The following CCNT2 variants were observed in gnomAD, a reference collection of about 807,000 sequenced individuals.
CCNT2 encodes the protein cyclin T2, also known as cyclin-T2.
A neutral mutation model predicts 70.0 loss-of-function variants in CCNT2; 18 were observed. The observed-to-expected ratio is 0.26, with a 90% confidence interval of 0.18 to 0.38. The LOEUF (loss-of-function observed/expected upper bound fraction) is 0.38. Among genes scored for constraint, CCNT2 ranks in the 10% least tolerant of loss-of-function variants. The probability of loss-of-function intolerance (pLI) is 1.00; values close to 1 mark genes in which losing one functional copy is unlikely to be tolerated. For missense variants in CCNT2, 734 were observed against 890.2 expected (o/e 0.82, Z 2.23); for synonymous variants, 334 against 313.3 (o/e 1.07, Z -0.70).
In CCNT2 at chr2:134,953,519, A is replaced by G; in HGVS notation, c.1064A>G (p.Gln355Arg). The stretch of plus-strand genomic sequence containing the variant: ...TCACACCAGGAATGGCCTCAACATC[A>G]AGACTCAGCAAGGACAGAACAGCTA... ...LSSHQEWPQH[Q>R]DSARTEQLYS... Residue 355 changes from glutamine to arginine, a missense_variant, in exon 9 of 9, where the codon CAA becomes CGA. Gln to Arg is a conservative substitution (Grantham distance 43). Transcript: ENST00000264157. The G allele has an allele frequency of 6.2e-7, 1 of 1,614,188 alleles. No individual in the cohort carries two copies. The highest frequency in any genetic ancestry group is 8.5e-7 in the Non-Finnish European group (1 of 1,180,032).
rs1682834695 is a variant in CCNT2 at position 134,954,867 on chromosome 2, A to C, written c.*219A>C. On this transcript the variant is annotated 3_prime_UTR_variant, in exon 9 of 9. Transcript: ENST00000264157. ...GTTATAAATACTGTAAAAGCATGGAAGGTGCAAAACTCAGTATTTCTACAA... is the reference window on the plus strand; with the variant it reads ...GTTATAAATACTGTAAAAGCATGGACGGTGCAAAACTCAGTATTTCTACAA... The C allele has an allele frequency of 1.0e-5, 5 of 479,924 alleles. No homozygotes were observed. The South Asian group carries it at 1.9e-4, about 18-fold the overall frequency. 29.7% of individuals were successfully genotyped at this position (479,924 alleles called of 1,614,324 possible).
intron 2 of CCNT2, among the ~76,000 whole-genome samples, chr2:134,920,840 A>G (rs931365718): frequency 3.0e-4 from 46 of 152,300 alleles, no homozygotes; most frequent in Admixed American, 1.2e-3. Context: ...GATCCTCAGA[A>G]TATTATTTTT....
intron 4 of CCNT2, 92 bp downstream of exon 4, chr2:134,939,154 G>T: frequency 1.1e-6 from 1 of 917,210 alleles, no homozygotes; most frequent in Non-Finnish European, 1.7e-6. Flanking sequence ...TTGTATTATT[G>T]AAGAAAGTTA....
intron 2 of CCNT2, among the ~76,000 whole-genome samples, chr2:134,933,394 C>G (rs897224628): frequency 6.6e-6 from 1 of 152,114 alleles, no homozygotes; most frequent in Non-Finnish European, 1.5e-5. Context: ...ACCTTGCCTC[C>G]GCTATCAAGG....
At position 134,919,714 on chromosome 2, in the gene CCNT2, G is replaced by A. The variant is rs1679729734; in HGVS notation, c.159-96G>A. ...CCAGTTTGGGGTTTGGATTTGAATG[G>A]GAGGTATTGGAAAAGAACCTGGGAA... On this transcript the variant is annotated intron_variant, in intron 1 of 8. Coordinates refer to ENST00000264157, the MANE Select transcript of CCNT2 (RefSeq NM_058241.3). 11 of 884,178 alleles carry A rather than the reference G, an allele frequency of 1.2e-5. No individual in the cohort carries two copies. The South Asian group carries it at 1.4e-4, about 11-fold the overall frequency. The allele number at this position is 884,178 out of a possible 1,614,324, so 54.8% of individuals were successfully genotyped here. A position where few individuals can be genotyped will look rare whatever the true frequency, so the allele number is the denominator to read the frequency against.
chr2:134,951,964 A>C (rs181566148), intron 7 of CCNT2, among the ~76,000 whole-genome samples: 1 of 152,306 alleles, frequency 6.6e-6, no homozygotes, highest in Non-Finnish European at 1.5e-5. Context: ...ACTGACACTT[A>C]GGAGAATAAT....
intron 2 of CCNT2, among the ~76,000 whole-genome samples, chr2:134,936,198 T>G (rs548192103): frequency 6.6e-6 from 1 of 152,164 alleles, no homozygotes; most frequent in African/African-American, 2.4e-5. Context: ...GCTTATTTTC[T>G]TCTTTGCCTC....
chr2:134,923,611 T>C (rs762397610), intron 2 of CCNT2, among the ~76,000 whole-genome samples: 1 of 152,252 alleles, frequency 6.6e-6, no homozygotes, highest in Non-Finnish European at 1.5e-5. Flanking sequence ...TTTGAGACGA[T>C]TAGCCTAGAT....
intron 2 of CCNT2, among the ~76,000 whole-genome samples, chr2:134,935,879 C>T (rs1681109508): frequency 6.6e-6 from 1 of 151,848 alleles, no homozygotes; most frequent in Admixed American, 6.6e-5. Flanking sequence ...ATATTACATG[C>T]TTATACCCTG....
intron 2 of CCNT2, 58 bp from the exon 3 acceptor site, chr2:134,936,783 A>T: frequency 6.8e-7 from 1 of 1,476,452 alleles, no homozygotes; most frequent in Non-Finnish European, 9.2e-7. Flanking sequence ...AAAAGAAAAT[A>T]GAGGGTTTTT....
rs931653455 is a variant in CCNT2, at chr2:134,925,182, C to T, written c.240+5291C>T. On this transcript the variant is annotated intron_variant, in intron 2 of 8. Coordinates refer to ENST00000264157, the MANE Select transcript of CCNT2 (RefSeq NM_058241.3). ...TATTCAATGCCTGGGTCCTTTCATTCATTGGTGATACTCTAATTCTGTCAT... is the reference window on the plus strand; with the variant it reads ...TATTCAATGCCTGGGTCCTTTCATTTATTGGTGATACTCTAATTCTGTCAT... Among the ~76,000 whole-genome samples, 3 of 152,128 alleles carry T rather than the reference C, an allele frequency of 2.0e-5. No individual in the cohort carries two copies. The South Asian group carries it at 6.2e-4, about 32-fold the overall frequency.
rs766293852 is a variant in CCNT2 at position 134,954,331 on chromosome 2, G to A, written c.1876G>A (p.Ala626Thr). The change falls in exon 9 of 9, where the codon GCA becomes ACA. Residue 626 changes from alanine to threonine, a missense_variant. Physicochemically the swap from Ala to Thr is moderately conservative, Grantham distance 58. This residue lies in a region of CCNT2 where 532 missense variants were observed against 556.9 expected (regional missense o/e 0.96). Coordinates refer to ENST00000264157, the MANE Select transcript of CCNT2 (RefSeq NM_058241.3). The part of the protein sequence containing the change: ...SSRKRLHVND[A>T]SHNHHSKMSK... ...AAGGAAGAGGCTGCATGTCAATGAT[G>A]CATCTCACAACCACCACTCCAAAAT... is the stretch of plus-strand genomic sequence containing the variant. 6.2e-7 allele frequency: 1 copy of A among 1,614,156 alleles called. No homozygotes were observed. The highest frequency in any genetic ancestry group is 1.1e-5 in the South Asian group (1 of 91,080).
At chr2:134,919,675 T>G in intron 1 of CCNT2, 135 bp from the exon 2 acceptor site, 1 of 634,280 alleles carries the variant, frequency 1.6e-6, no homozygotes, top group Non-Finnish European at 2.7e-6. Context: ...CCGCGGGCAT[T>G]TATTTCTTTA....
chr2:134,920,527 C>T (rs1679820651), intron 2 of CCNT2, among the ~76,000 whole-genome samples: 1 of 152,158 alleles, frequency 6.6e-6, no homozygotes, highest in Non-Finnish European at 1.5e-5. Context: ...AGGTATATAA[C>T]CTGTAAACCT....
chr2:134,953,194 C>T (rs751362401), intron 8 of CCNT2, 36 bp from the exon 9 acceptor site: 2 of 1,426,784 alleles, frequency 1.4e-6, no homozygotes, highest in South Asian at 2.5e-5. Flanking sequence ...AATTATTTTG[C>T]TATATCACTG....
intron 2 of CCNT2, among the ~76,000 whole-genome samples, chr2:134,928,737 A>C (rs1482926168): frequency 6.6e-6 from 1 of 152,230 alleles, no homozygotes; most frequent in East Asian, 1.9e-4. Context: ...AGTTGAAAAA[A>C]AAAAATGGGA....
At position 134,953,435 on chromosome 2, in the gene CCNT2, C is replaced by T. The variant is rs1682681357; in HGVS notation, c.980C>T (p.Thr327Ile). The T allele has an allele frequency of 6.2e-6, 10 of 1,612,388 alleles. No homozygotes were observed. The highest frequency in any genetic ancestry group is 8.5e-6 in the Non-Finnish European group (10 of 1,179,022). Residue 327 changes from threonine to isoleucine, a missense_variant, in exon 9 of 9, where the codon ACA (threonine) becomes ATA (isoleucine). By Grantham distance (89) the Thr-to-Ile change is moderately conservative (BLOSUM62 -1). Around this residue, in one of 3 missense-constraint regions of CCNT2, gnomAD observed 532 missense variants for 556.9 expected, o/e 0.96. Coordinates refer to ENST00000264157, the MANE Select transcript of CCNT2 (RefSeq NM_058241.3). The stretch of plus-strand genomic sequence containing the variant: ...AATATTTCTGTTCAAGACAGCCATA[C>T]ATCTGATAATTTGTCAATGCTAGCA... Reference protein sequence around the residue: ...SGNISVQDSHTSDNLSMLATG... With the variant: ...SGNISVQDSHISDNLSMLATG...
chr2:134,943,001 A>C, intron 5 of CCNT2: 1 of 985,376 alleles, frequency 1.0e-6, no homozygotes, highest in African/African-American at 1.7e-5. Context: ...ATAGGTTCAG[A>C]AAATAATATT....
chr2:134,932,058 C>T (rs1218156176), intron 2 of CCNT2, among the ~76,000 whole-genome samples: 1 of 151,716 alleles, frequency 6.6e-6, no homozygotes, highest in Non-Finnish European at 1.5e-5. Flanking sequence ...CAGTGGTGCT[C>T]GCTGCAACCT....
Sources: gnomAD v4.1 joint callset for allele counts (sites outside exome capture counted in the v4.1 genomes callset) on GRCh38, gnomAD v4.1.1 for gene constraint, gnomAD v4.1.1 regional missense constraint, MANE v1.5 for transcripts, NCBI Gene and HGNC (gene_info 2026-07-23, HGNC 2026-07-21) for gene names.